Variants in RAD51B observed in about 807,000 individuals in gnomAD.
The protein encoded by RAD51B is DNA repair protein RAD51 homolog 2.
A neutral mutation model predicts 42.2 loss-of-function variants in RAD51B; 38 were observed. That is an observed-to-expected ratio of 0.90 (90% CI 0.70 to 1.18). The LOEUF is 1.18. Ranked by LOEUF, RAD51B falls within the 50% of genes most tolerant of loss-of-function variation. RAD51B has a pLI of 0.00. For missense variants in RAD51B, 373 were observed against 400.7 expected (o/e 0.93, Z 0.59); for synonymous variants, 154 against 145.2 (o/e 1.06, Z -0.43).
chr14:68,097,601 G>A (rs1386773852), intron 7 of RAD51B, among the ~76,000 whole-genome samples: 1 of 152,080 alleles, frequency 6.6e-6, no homozygotes. Context: ...CAAGTGCCTT[G>A]CACAACTTTG....
intron 8 of RAD51B, among the ~76,000 whole-genome samples, chr14:68,343,540 G>T (rs2082612713): frequency 6.6e-6 from 1 of 152,216 alleles, no homozygotes; most frequent in Non-Finnish European, 1.5e-5. Context: ...TAAAATTTTG[G>T]ATAATTTGCA....
chr14:67,972,910 A>G (rs1400446839), intron 7 of RAD51B, among the ~76,000 whole-genome samples: 1 of 152,010 alleles, frequency 6.6e-6, no homozygotes, highest in African/African-American at 2.4e-5. Flanking sequence ...TCTAAGCTGA[A>G]CTCTTTTCCT....
intron 7 of RAD51B, among the ~76,000 whole-genome samples, chr14:68,058,842 A>G (rs556465626): frequency 6.6e-6 from 1 of 152,220 alleles, no homozygotes; most frequent in Non-Finnish European, 1.5e-5. Context: ...TTGCCTAAGA[A>G]GTTGAACCAA....
chr14:67,963,826 C>CT (rs980961839), intron 7 of RAD51B, among the ~76,000 whole-genome samples: 5 of 151,062 alleles, frequency 3.3e-5, no homozygotes, highest in Admixed American at 1.3e-4. Context: ...TAGGGTTTTT[C>CT]TTTTTTTTAG....
chr14:67,851,991 A>C (rs572158202), intron 4 of RAD51B, among the ~76,000 whole-genome samples: 137 of 152,032 alleles, frequency 9.0e-4, no homozygotes, highest in Non-Finnish European at 1.3e-3. Context: ...CTGGAGGTCT[A>C]CTTACTCTCA....
At chr14:67,982,213 G>A (rs1022183221) in intron 7 of RAD51B, among the ~76,000 whole-genome samples, 1 of 152,066 alleles carries the variant, frequency 6.6e-6, no homozygotes, top group Non-Finnish European at 1.5e-5. Context: ...GCGATTACAG[G>A]CATAAGCCAC....
chr14:68,668,118 C>T (rs1273333969), intron 11 of RAD51B, among the ~76,000 whole-genome samples: 1 of 152,212 alleles, frequency 6.6e-6, no homozygotes, highest in African/African-American at 2.4e-5. Flanking sequence ...TCAATGAATA[C>T]CCAGGTGCTC....
chr14:68,279,301 G>T (rs1473741290), intron 7 of RAD51B, among the ~76,000 whole-genome samples: 2 of 152,250 alleles, frequency 1.3e-5, no homozygotes, highest in African/African-American at 4.8e-5. Context: ...GTTCTCGGCA[G>T]TGATGCCTTT....
intron 7 of RAD51B, among the ~76,000 whole-genome samples, chr14:67,940,849 T>A (rs962936495): frequency 6.6e-6 from 1 of 152,180 alleles, no homozygotes; most frequent in South Asian, 2.1e-4. Flanking sequence ...AAATGTTCGC[T>A]GAAAGCACCA....
chr14:68,113,852 G>T (rs1311311344), intron 7 of RAD51B: 1 of 151,950 alleles, frequency 6.6e-6, no homozygotes, highest in African/African-American at 2.4e-5. Context: ...TCACATATAG[G>T]TTTCTCTCCT....
exon 11 of RAD51B, chr14:68,595,911 A>T (rs370280592): frequency 2.8e-6 from 1 of 354,142 alleles, no homozygotes; most frequent in African/African-American, 2.1e-5. Context: ...TCTCTGGGCA[A>T]TAAGATTATA....
chr14:67,860,138 A>G (rs2042118879), intron 4 of RAD51B, among the ~76,000 whole-genome samples: 1 of 152,204 alleles, frequency 6.6e-6, no homozygotes, highest in Admixed American at 6.5e-5. Flanking sequence ...GAACTCTTTC[A>G]TGAACAAATA....
intron 7 of RAD51B, among the ~76,000 whole-genome samples, chr14:68,010,113 A>G (rs1442275859): frequency 6.6e-6 from 1 of 151,872 alleles, no homozygotes; most frequent in Non-Finnish European, 1.5e-5. Flanking sequence ...CAAATATGCT[A>G]TTATCATTTC....
intron 7 of RAD51B, among the ~76,000 whole-genome samples, chr14:67,903,035 T>A (rs1192528692): frequency 6.6e-6 from 1 of 152,016 alleles, no homozygotes; most frequent in Non-Finnish European, 1.5e-5. Flanking sequence ...TTTTTGTATT[T>A]TTAGGAGAGA....
chr14:68,650,825 C>G (rs1892684936), exon 11 of RAD51B: 1 of 760,696 alleles, frequency 1.3e-6, no homozygotes, highest in Non-Finnish European at 2.4e-6. Context: ...CCAGAACAGA[C>G]TAAAAGAAAA....
chr14:67,903,472 A>G (rs572400331), intron 7 of RAD51B, among the ~76,000 whole-genome samples: 1 of 152,340 alleles, frequency 6.6e-6, no homozygotes, highest in African/African-American at 2.4e-5. Flanking sequence ...TCTTGTTTCT[A>G]TTATGGATAT....
intron 11 of RAD51B, among the ~76,000 whole-genome samples, chr14:68,673,455 GTA>G (rs1893204658): frequency 6.6e-6 from 1 of 150,766 alleles, no homozygotes; most frequent in Non-Finnish European, 1.5e-5. Context: ...TACACATACT[GTA>G]TGCACACATA....
chr14:68,480,264 A>G (rs1883070259), downstream of RAD51B, among the ~76,000 whole-genome samples: 1 of 151,398 alleles, frequency 6.6e-6, no homozygotes, highest in Non-Finnish European at 1.5e-5. Context: ...TTTAGTAGAG[A>G]TGAAGTTTCA....
intron 9 of RAD51B, among the ~76,000 whole-genome samples, chr14:68,423,826 T>A (rs1478768598): frequency 6.6e-6 from 1 of 152,246 alleles, no homozygotes; most frequent in African/African-American, 2.4e-5. Context: ...AAGTAATGAT[T>A]AGTTATTTCC....
Sources: allele counts gnomAD v4.1 joint callset (sites outside exome capture counted in the v4.1 genomes callset), GRCh38; gene constraint gnomAD v4.1.1; transcripts MANE v1.5; gene names NCBI Gene and HGNC (gene_info 2026-07-23, HGNC 2026-07-21).